Variants in AFAP1 observed in about 807,000 individuals in gnomAD.
The protein encoded by AFAP1 is actin filament associated protein 1.
In AFAP1, 75 loss-of-function variants were observed where a neutral mutation model predicts 93.9. The observed-to-expected ratio is 0.80, with a 90% CI of 0.66 to 0.97. The LOEUF (loss-of-function observed/expected upper bound fraction) is 0.97. Among genes scored for constraint, AFAP1 ranks in the 50% least tolerant of loss-of-function variants. The pLI, the probability that AFAP1 is intolerant of heterozygous loss-of-function variation, is 0.00. For missense variants in AFAP1, 1,201 were observed against 1,050.8 expected (o/e 1.14, Z -1.98); for synonymous variants, 517 against 430.7 (o/e 1.20, Z -2.48).
intron 11 of AFAP1, chr4:7,788,731 T>C (rs1035344216): frequency 2.0e-5 from 3 of 152,238 alleles, no homozygotes; most frequent in Non-Finnish European, 2.9e-5. Flanking sequence ...GCGCTATGTA[T>C]ACTTTCTGTC....
chr4:7,852,740 G>A (rs79907800), intron 4 of AFAP1, among the ~76,000 whole-genome samples: 3,078 of 152,162 alleles, frequency 0.02, 107 homozygotes, highest in African/African-American at 0.07. Context: ...GTGTGGAGAC[G>A]GAACCTGTTA....
At chr4:7,896,074 T>A (rs1718747317) in intron 1 of AFAP1, among the ~76,000 whole-genome samples, 1 of 152,020 alleles carries the variant, frequency 6.6e-6, no homozygotes, top group African/African-American at 2.4e-5. Context: ...TTGGTCAGGC[T>A]GGTCTCGAAC....
At chr4:7,866,590 C>T (rs952548230) in intron 3 of AFAP1, among the ~76,000 whole-genome samples, 5 of 152,074 alleles carry the variant, frequency 3.3e-5, no homozygotes, top group Admixed American at 6.5e-5. Flanking sequence ...CACAGGGGAG[C>T]CAGAGATTCC....
At chr4:7,787,248 G>A (rs928115032) in intron 11 of AFAP1, among the ~76,000 whole-genome samples, 3 of 152,198 alleles carry the variant, frequency 2.0e-5, no homozygotes, top group Non-Finnish European at 4.4e-5. Flanking sequence ...AGCGTGGTGC[G>A]CCCAGCGAGG....
At chr4:7,873,911 C>A (rs924357026) in intron 1 of AFAP1, among the ~76,000 whole-genome samples, 7 of 152,186 alleles carry the variant, frequency 4.6e-5, no homozygotes, top group African/African-American at 1.7e-4. Flanking sequence ...AGGTAAACAA[C>A]TGATACCATT....
rs138666970 is a variant in AFAP1, at chr4:7,838,560, G to A, written c.690C>T (p.Ala230=). Residue 230 remains alanine, a synonymous_variant, in exon 6 of 18, where the codon GCC becomes GCT. Coordinates refer to ENST00000420658, the MANE Select transcript of AFAP1 (RefSeq NM_001134647.2). ...GCTCGGCCTGTTCCTTGCTCTGGAC[G>A]GCGAGAACAAGCGGGTCCGTGCCCT... is the stretch of plus-strand genomic sequence containing the variant. ...TQQGTDPLVL[A]VQSKEQAEQW... The A allele has an allele frequency of 4.3e-5, 70 of 1,613,918 alleles. No homozygotes were observed. Among genetic ancestry groups the A allele is most frequent in the Non-Finnish European group, 5.7e-5 (67 of 1,179,966 alleles).
chr4:7,813,989 A>C (rs1482346564), intron 8 of AFAP1, among the ~76,000 whole-genome samples: 4 of 152,184 alleles, frequency 2.6e-5, no homozygotes, highest in Admixed American at 2.0e-4. Flanking sequence ...TTCAATGAGC[A>C]AACAGGCTGT....
chr4:7,849,047 C>A (rs1055620373), intron 4 of AFAP1, among the ~76,000 whole-genome samples: 1 of 152,176 alleles, frequency 6.6e-6, no homozygotes, highest in South Asian at 2.1e-4. Flanking sequence ...CCAAATGACA[C>A]AAGAATCTAT....
rs765123356 is a variant in AFAP1, at chr4:7,855,475, T to A, written c.325A>T (p.Ile109Phe). The change falls in exon 4 of 18, where the codon ATC becomes TTC. Residue 109 changes from isoleucine to phenylalanine, a missense_variant. By Grantham distance (21) the Ile-to-Phe change is conservative. Transcript: ENST00000420658. The part of the protein sequence containing the change: ...PLSPGKAPEY[I>F]TSNYDSDAMS... ...AGGGCTGGCCACTCACTTGATGTGATGTATTCCGGAGCTTTTCCGGGGCTC... is the reference window on the plus strand; with the variant it reads ...AGGGCTGGCCACTCACTTGATGTGAAGTATTCCGGAGCTTTTCCGGGGCTC... The A allele has an allele frequency of 1.2e-6, 2 of 1,607,110 alleles. No individual in the cohort carries two copies. The highest frequency in any genetic ancestry group is 1.7e-6 in the Non-Finnish European group (2 of 1,175,378).
At chr4:7,834,338 T>C (rs1016983317) in intron 6 of AFAP1, among the ~76,000 whole-genome samples, 3 of 152,016 alleles carry the variant, frequency 2.0e-5, no homozygotes, top group Admixed American at 6.6e-5. Flanking sequence ...AATGACACAA[T>C]AGACTTTGGG....
At chr4:7,854,580 A>G (rs1464134668) in intron 4 of AFAP1, among the ~76,000 whole-genome samples, 1 of 152,232 alleles carries the variant, frequency 6.6e-6, no homozygotes, top group Non-Finnish European at 1.5e-5. Context: ...GGCAGGTAAC[A>G]GTATAACAAC....
chr4:7,901,165 A>T (rs1026673780), intron 1 of AFAP1, among the ~76,000 whole-genome samples: 1 of 152,206 alleles, frequency 6.6e-6, no homozygotes, highest in African/African-American at 2.4e-5. Context: ...CATGACCACA[A>T]GGCATACTCT....
intron 9 of AFAP1, among the ~76,000 whole-genome samples, chr4:7,801,295 C>T (rs1718998729): frequency 6.6e-6 from 1 of 152,166 alleles, no homozygotes; most frequent in Admixed American, 6.5e-5. Flanking sequence ...ACGGGTGAAG[C>T]TGCCCGGAGG....
intron 1 of AFAP1, among the ~76,000 whole-genome samples, chr4:7,920,302 C>A (rs2149236060): frequency 6.6e-6 from 1 of 152,206 alleles, no homozygotes; most frequent in East Asian, 1.9e-4. Context: ...GTGTTAATTC[C>A]TAGATCATAA....
chr4:7,910,871 G>C (rs533075531), intron 1 of AFAP1, among the ~76,000 whole-genome samples: 3 of 152,298 alleles, frequency 2.0e-5, no homozygotes, highest in Admixed American at 6.5e-5. Context: ...ACTGCGGTGA[G>C]GGCGTGCTTG....
chr4:7,800,519 C>G lies in AFAP1; in HGVS notation c.1189G>C (p.Val397Leu). 1 of 1,614,236 alleles carries G rather than the reference C, an allele frequency of 6.2e-7. No individual in the cohort carries two copies. Among genetic ancestry groups the G allele is most frequent in the Admixed American group, 1.7e-5 (1 of 60,026 alleles). The change falls in exon 10 of 18, where the codon GTG becomes CTG. Residue 397 changes from valine to leucine, a missense_variant. Transcript: ENST00000420658. ...IVSIPLRGCE[V>L]IPGLDSKHPL... ...TGTTTAGAATCCAAACCCGGGATCACCTCGCAGCCACGGAGCGGAATAGAC... is the reference window on the plus strand; with the variant it reads ...TGTTTAGAATCCAAACCCGGGATCAGCTCGCAGCCACGGAGCGGAATAGAC...
intron 6 of AFAP1, among the ~76,000 whole-genome samples, chr4:7,823,256 A>G (rs1267013652): frequency 1.3e-5 from 2 of 152,178 alleles, no homozygotes; most frequent in African/African-American, 4.8e-5. Flanking sequence ...GTTTGATTAA[A>G]GGGAAAACAA....
At position 7,778,668 on chromosome 4, in the gene AFAP1, C is replaced by T; in HGVS notation, c.1897+94G>A. ...ACCGCTCCATCTCTCCAGCTGACCC[C>T]AAGCTGGCACTCACGGGTGGGCAGG... On this transcript the variant is annotated intron_variant, in intron 14 of 17. Transcript: ENST00000420658. 2.5e-6 allele frequency: 3 copies of T among 1,221,488 alleles called. No homozygotes were observed. The Admixed American group carries it at 5.1e-5, about 21-fold the overall frequency. 75.7% of individuals were successfully genotyped at this position (1,221,488 alleles called of 1,614,324 possible).
intron 1 of AFAP1, among the ~76,000 whole-genome samples, chr4:7,918,764 A>G (rs11731131): frequency 0.85 from 87,390 of 102,954 alleles, 36,959 homozygotes; most frequent in African/African-American, 0.92. Context: ...CAGGGCTGCC[A>G]GAAGAGACAC....
Sources: allele counts gnomAD v4.1 joint callset (sites outside exome capture counted in the v4.1 genomes callset), GRCh38; gene constraint gnomAD v4.1.1; transcripts MANE v1.5; gene names NCBI Gene and HGNC (gene_info 2026-07-23, HGNC 2026-07-21).